The following SPOCK3 variants were observed in gnomAD, a reference collection of about 807,000 sequenced individuals.
SPOCK3 encodes the protein SPARC (osteonectin), cwcv and kazal like domains proteoglycan 3, also known as testican-3.
Under a neutral mutation model 56.6 loss-of-function variants are expected in SPOCK3, and 30 were observed. The ratio of observed to expected loss-of-function variants is 0.53; its 90% CI spans 0.40 to 0.72. The LOEUF (loss-of-function observed/expected upper bound fraction) is 0.72, where lower values mean the gene tolerates loss of function less well. SPOCK3 is among the 30% of genes least tolerant of loss of function. The probability of loss-of-function intolerance (pLI) is 0.00; values close to 1 mark genes in which losing one functional copy is unlikely to be tolerated. For synonymous variants in SPOCK3, 196 were observed against 183.3 expected, an observed-to-expected ratio of 1.07 and a Z score of -0.56; for missense variants, 527 against 530.0, an observed-to-expected ratio of 0.99 and a Z score of 0.06.
At chr4:166,954,764 C>T (rs914503167) in intron 4 of SPOCK3, among the ~76,000 whole-genome samples, 4 of 152,110 alleles carry the variant, frequency 2.6e-5, no homozygotes, top group African/African-American at 9.7e-5. Context: ...AAATTCAATC[C>T]AATTTCTCTG....
chr4:166,863,177 G>C (rs551044491), intron 6 of SPOCK3, among the ~76,000 whole-genome samples: 1 of 152,058 alleles, frequency 6.6e-6, no homozygotes, highest in East Asian at 1.9e-4. Flanking sequence ...CATAAGCAAA[G>C]GAGAAATAAA....
At chr4:166,956,243 C>A (rs188239329) in intron 4 of SPOCK3, among the ~76,000 whole-genome samples, 1 of 136,982 alleles carries the variant, frequency 7.3e-6, no homozygotes, top group Admixed American at 6.9e-5. Flanking sequence ...ACACACAATT[C>A]TTTTCCTATA....
chr4:166,753,132 T>C (rs1248960348), intron 8 of SPOCK3, among the ~76,000 whole-genome samples: 2 of 151,218 alleles, frequency 1.3e-5, no homozygotes, highest in African/African-American at 4.9e-5. Flanking sequence ...GCATTCTGAG[T>C]TATTCAGAAT....
intron 6 of SPOCK3, among the ~76,000 whole-genome samples, chr4:166,851,937 C>T (rs1730143495): frequency 6.6e-6 from 1 of 151,766 alleles, no homozygotes; most frequent in Non-Finnish European, 1.5e-5. Context: ...GAAAATGTGG[C>T]ACATATACAC....
At chr4:167,069,216 C>G (rs571991547) in intron 2 of SPOCK3, among the ~76,000 whole-genome samples, 1 of 151,990 alleles carries the variant, frequency 6.6e-6, no homozygotes, top group East Asian at 2.0e-4. Flanking sequence ...GAATGGCTTT[C>G]AGGACATTCT....
chr4:166,839,287 G>A (rs183521607), intron 6 of SPOCK3, among the ~76,000 whole-genome samples: 1 of 152,270 alleles, frequency 6.6e-6, no homozygotes, highest in Non-Finnish European at 1.5e-5. Context: ...GGATGAGTGA[G>A]AGGGGAGTTC....
chr4:167,148,677 A>G (rs1764174534), intron 2 of SPOCK3, among the ~76,000 whole-genome samples: 1 of 152,144 alleles, frequency 6.6e-6, no homozygotes, highest in South Asian at 2.1e-4. Flanking sequence ...GTATACATAA[A>G]CCAATAGCCC....
intron 2 of SPOCK3, among the ~76,000 whole-genome samples, chr4:167,145,641 T>A (rs1580428901): frequency 6.6e-6 from 1 of 152,224 alleles, no homozygotes; most frequent in South Asian, 2.1e-4. Context: ...AAGAAAGATC[T>A]GGGGGCCAAT....
intron 8 of SPOCK3, chr4:166,754,154 C>A: frequency 9.9e-7 from 1 of 1,005,742 alleles, no homozygotes; most frequent in Non-Finnish European, 1.2e-6. Context: ...GATAAAAAAT[C>A]CATTTATTTT....
chr4:166,755,306 G>A (rs1736927395), intron 7 of SPOCK3, among the ~76,000 whole-genome samples: 1 of 151,950 alleles, frequency 6.6e-6, no homozygotes, highest in African/African-American at 2.4e-5. Flanking sequence ...CTTACCTCAA[G>A]GAAATTTTAC....
intron 4 of SPOCK3, among the ~76,000 whole-genome samples, chr4:166,920,638 A>C (rs79394366): frequency 0.073 from 11,168 of 152,228 alleles, 536 homozygotes; most frequent in Non-Finnish European, 0.1. Flanking sequence ...ATTTGGAAAA[A>C]TGTATTCACA....
chr4:166,981,918 A>T (rs892854616), intron 4 of SPOCK3, among the ~76,000 whole-genome samples: 2 of 152,134 alleles, frequency 1.3e-5, no homozygotes, highest in African/African-American at 4.8e-5. Context: ...CAGCTCACAC[A>T]CGCTCTGCAA....
At chr4:166,929,422 G>A (rs571502803) in intron 4 of SPOCK3, among the ~76,000 whole-genome samples, 4 of 152,270 alleles carry the variant, frequency 2.6e-5, no homozygotes, top group South Asian at 2.1e-4. Context: ...TGCTCACAAT[G>A]TAGGTGCAAA....
chr4:166,989,211 C>T (rs954361647), intron 4 of SPOCK3, among the ~76,000 whole-genome samples: 3 of 152,042 alleles, frequency 2.0e-5, no homozygotes, highest in African/African-American at 7.2e-5. Context: ...TCCAGAGTCA[C>T]ACAGTTGTCT....
At chr4:166,837,918 C>G (rs960604243) in intron 6 of SPOCK3, among the ~76,000 whole-genome samples, 1 of 152,064 alleles carries the variant, frequency 6.6e-6, no homozygotes, top group Non-Finnish European at 1.5e-5. Context: ...TCCCTTAATT[C>G]TTGAAAGATA....
At chr4:167,165,073 A>C (rs952612463) in intron 2 of SPOCK3, among the ~76,000 whole-genome samples, 23 of 152,132 alleles carry the variant, frequency 1.5e-4, no homozygotes, top group African/African-American at 5.3e-4. Flanking sequence ...AAAAGTGTTC[A>C]TATTTCTCCA....
chr4:167,134,916 G>A (rs1762991516), intron 2 of SPOCK3, among the ~76,000 whole-genome samples: 1 of 151,712 alleles, frequency 6.6e-6, no homozygotes, highest in Non-Finnish European at 1.5e-5. Flanking sequence ...TTAGTGCATT[G>A]GTCAGCATTA....
At chr4:166,915,866 A>C (rs1204254115) in intron 4 of SPOCK3, among the ~76,000 whole-genome samples, 1 of 152,200 alleles carries the variant, frequency 6.6e-6, no homozygotes, top group Non-Finnish European at 1.5e-5. Context: ...TAGTTATCTG[A>C]AATTATTAAC....
At chr4:166,949,419 C>T (rs1742220498) in intron 4 of SPOCK3, among the ~76,000 whole-genome samples, 1 of 152,112 alleles carries the variant, frequency 6.6e-6, no homozygotes, top group African/African-American at 2.4e-5. Flanking sequence ...AGGTGCTCTG[C>T]TTTTTAGAGT....
Sources: allele counts gnomAD v4.1 joint callset (sites outside exome capture counted in the v4.1 genomes callset), GRCh38; gene constraint gnomAD v4.1.1; transcripts MANE v1.5; gene names NCBI Gene and HGNC (gene_info 2026-07-23, HGNC 2026-07-21).